TRPS1: variants seen among roughly 807,000 people sequenced by gnomAD.
The protein encoded by TRPS1 is zinc finger transcription factor Trps1.
TRPS1 carries 6 observed loss-of-function variants against 101.2 expected under a neutral mutation model. The observed-to-expected ratio is 0.06, with a 90% CI of 0.03 to 0.12. The LOEUF is 0.12. TRPS1 is among the 10% of genes least tolerant of loss of function. The pLI is 1.00. For missense variants in TRPS1, 1,363 were observed against 1,567.0 expected, an observed-to-expected ratio of 0.87 and a Z score of 2.20; for synonymous variants, 578 against 589.8, an observed-to-expected ratio of 0.98 and a Z score of 0.29.
chr8:115,524,151 A>C (rs1361591341), intron 5 of TRPS1, among the ~76,000 whole-genome samples: 5 of 152,034 alleles, frequency 3.3e-5, no homozygotes, highest in Non-Finnish European at 7.4e-5. Context: ...TTACTTCCCC[A>C]TCTAGATGCT....
intron 5 of TRPS1, among the ~76,000 whole-genome samples, chr8:115,437,620 T>C (rs1259110705): frequency 6.6e-6 from 1 of 152,186 alleles, no homozygotes; most frequent in Non-Finnish European, 1.5e-5. Flanking sequence ...GTGTCATCCT[T>C]GTCTTCTAGA....
At chr8:115,430,202 A>G (rs923976717) in intron 5 of TRPS1, among the ~76,000 whole-genome samples, 1 of 152,174 alleles carries the variant, frequency 6.6e-6, no homozygotes, top group African/African-American at 2.4e-5. Context: ...TCGGCTTTTC[A>G]TATCTTGAAT....
intron 1 of TRPS1, among the ~76,000 whole-genome samples, chr8:115,655,534 C>T (rs1811658383): frequency 6.6e-6 from 1 of 152,056 alleles, no homozygotes; most frequent in Non-Finnish European, 1.5e-5. Flanking sequence ...TCTATTCTTC[C>T]ATTTGTATGT....
At chr8:115,533,642 CT>C (rs1288242072) in intron 5 of TRPS1, among the ~76,000 whole-genome samples, 8 of 152,144 alleles carry the variant, frequency 5.3e-5, no homozygotes, top group Admixed American at 4.6e-4. Flanking sequence ...TTTTCAAATT[CT>C]GTCTGAACAT....
chr8:115,442,888 G>A (rs1813641103), intron 5 of TRPS1, among the ~76,000 whole-genome samples: 2 of 151,854 alleles, frequency 1.3e-5, no homozygotes, highest in Non-Finnish European at 2.9e-5. Context: ...TCAGGAGATC[G>A]AGATCATCCT....
intron 5 of TRPS1, among the ~76,000 whole-genome samples, chr8:115,556,030 A>C (rs2130354324): frequency 6.6e-6 from 1 of 152,240 alleles, no homozygotes; most frequent in East Asian, 1.9e-4. Context: ...GAAAAAAAAT[A>C]AAATAAAATA....
At position 115,668,689 on chromosome 8, in the gene TRPS1, C is replaced by T. The variant is rs568964737; in HGVS notation, c.-266G>A. On this transcript the variant is annotated 5_prime_UTR_variant, in exon 1 of 7. Coordinates refer to ENST00000395715, the MANE Select transcript of TRPS1 (RefSeq NM_014112.5). Reference sequence around the variant, plus strand: ...GAAAAAGGTCTTTCCTGCCTCCCCCCCCTTTCCCTCCCCCACCCTTATTAA... The same window carrying T: ...GAAAAAGGTCTTTCCTGCCTCCCCCTCCTTTCCCTCCCCCACCCTTATTAA... 6.7e-6 allele frequency: 1 copy of T among 148,460 alleles called. No homozygotes were observed. The highest frequency in any genetic ancestry group is 1.5e-5 in the Non-Finnish European group (1 of 67,894). 9.2% of individuals were successfully genotyped at this position (148,460 alleles called of 1,614,324 possible).
chr8:115,433,762 C>T (rs1240808912), intron 5 of TRPS1, among the ~76,000 whole-genome samples: 1 of 152,112 alleles, frequency 6.6e-6, no homozygotes, highest in Non-Finnish European at 1.5e-5. Context: ...CATTAATTAT[C>T]TGTTTATCTG....
At chr8:115,465,089 C>G (rs1814284338) in intron 5 of TRPS1, among the ~76,000 whole-genome samples, 1 of 152,008 alleles carries the variant, frequency 6.6e-6, no homozygotes, top group Admixed American at 6.6e-5. Flanking sequence ...GACTTTGTAA[C>G]AACAGATTTC....
At chr8:115,595,780 C>T (rs1327302644) in intron 4 of TRPS1, among the ~76,000 whole-genome samples, 1 of 151,820 alleles carries the variant, frequency 6.6e-6, no homozygotes, top group Non-Finnish European at 1.5e-5. Flanking sequence ...GATAACTGTT[C>T]TTGCATAGTA....
At chr8:115,640,494 G>A (rs1488414694) in intron 1 of TRPS1, among the ~76,000 whole-genome samples, 1 of 152,176 alleles carries the variant, frequency 6.6e-6, no homozygotes, top group Non-Finnish European at 1.5e-5. Flanking sequence ...GCTTTTAAAA[G>A]ACACAGGTCT....
intron 5 of TRPS1, among the ~76,000 whole-genome samples, chr8:115,514,563 T>C (rs922652035): frequency 2.0e-5 from 3 of 151,632 alleles, no homozygotes; most frequent in African/African-American, 7.3e-5. Context: ...CACTTAGTAG[T>C]TTTTTTAATG....
rs558746207 is a variant in TRPS1 at position 115,611,032 on chromosome 8, G to A, written c.967-6030C>T. ...CTCGGGAGGCTGAGGTGGGAGAATCGCTTGAGCCTGGGGGGCGGAGGTTGC... is the reference window on the plus strand; with the variant it reads ...CTCGGGAGGCTGAGGTGGGAGAATCACTTGAGCCTGGGGGGCGGAGGTTGC... On this transcript the variant is annotated intron_variant, in intron 3 of 6. Transcript: ENST00000395715. Among the ~76,000 whole-genome samples the A allele has an allele frequency of 1.7e-4, 26 of 151,458 alleles. No individual in the cohort carries two copies. In the East Asian group the frequency reaches 3.1e-3, roughly 18 times the overall value.
intron 5 of TRPS1, among the ~76,000 whole-genome samples, chr8:115,455,547 C>T (rs1162396478): frequency 6.6e-6 from 1 of 152,110 alleles, no homozygotes; most frequent in Non-Finnish European, 1.5e-5. Context: ...GCAGTTAAGA[C>T]AGTTTTAGGG....
intron 5 of TRPS1, among the ~76,000 whole-genome samples, chr8:115,426,549 T>C (rs1462333052): frequency 6.6e-6 from 1 of 151,962 alleles, no homozygotes; most frequent in Non-Finnish European, 1.5e-5. Flanking sequence ...ATTCTTTTCA[T>C]AGTATCTAAC....
In TRPS1 at chr8:115,551,624, G is replaced by A. The variant is rs537607937; in HGVS notation, c.2700+35377C>T. Among the ~76,000 whole-genome samples the A allele has an allele frequency of 1.1e-4, 17 of 152,184 alleles. No homozygotes were observed. In the South Asian group the frequency reaches 3.5e-3, roughly 32 times the overall value. Reference sequence around the variant, plus strand: ...CAAAGCAGATTTTGATTATTATGATGCTTCCAGGAAAATGAATGAAATGAT... The same window carrying A: ...CAAAGCAGATTTTGATTATTATGATACTTCCAGGAAAATGAATGAAATGAT... On this transcript the variant is annotated intron_variant, in intron 5 of 6. Transcript: ENST00000395715.
chr8:115,515,156 A>C (rs1815679569), intron 5 of TRPS1: 1 of 676,660 alleles, frequency 1.5e-6, no homozygotes, highest in Admixed American at 2.2e-5. Context: ...AGACATATTC[A>C]ATGTCCAAAT....
At chr8:115,508,246 T>C (rs1347442558) in intron 5 of TRPS1, among the ~76,000 whole-genome samples, 1 of 152,104 alleles carries the variant, frequency 6.6e-6, no homozygotes, top group East Asian at 1.9e-4. Context: ...ATCACAAATA[T>C]AATGGAATCA....
chr8:115,581,430 TG>T (rs1224897655), intron 5 of TRPS1, among the ~76,000 whole-genome samples: 2 of 152,084 alleles, frequency 1.3e-5, no homozygotes, highest in Admixed American at 1.3e-4. Context: ...AAATTACAAA[TG>T]TTGAGGTGAT....
Sources: gnomAD v4.1 joint callset for allele counts (sites outside exome capture counted in the v4.1 genomes callset) on GRCh38, gnomAD v4.1.1 for gene constraint, MANE v1.5 for transcripts, NCBI Gene and HGNC (gene_info 2026-07-23, HGNC 2026-07-21) for gene names.